PLIN1: variants seen among roughly 807,000 people sequenced by gnomAD.
PLIN1 encodes the protein perilipin 1, also known as perilipin-1.
Under a neutral mutation model 45.8 loss-of-function variants are expected in PLIN1, and 37 were observed. That is an observed-to-expected ratio of 0.81 (90% CI 0.62 to 1.06). The LOEUF (loss-of-function observed/expected upper bound fraction) is 1.06. Ranked by LOEUF, PLIN1 falls within the 50% of genes least tolerant of loss-of-function variation. PLIN1 has a pLI of 0.00. For missense variants in PLIN1, 776 were observed against 716.5 expected (o/e 1.08, Z -0.95); for synonymous variants, 340 against 309.2 (o/e 1.10, Z -1.05).
At chr15:89,678,782 C>T (rs1325306027) in intron 1 of PLIN1, among the ~76,000 whole-genome samples, 1 of 152,096 alleles carries the variant, frequency 6.6e-6, no homozygotes, top group African/African-American at 2.4e-5. Context: ...AAGGTTTCAT[C>T]TTTGAAAAGG....
rs1360661087 is a variant in PLIN1 at position 89,665,550 on chromosome 15, G to A, written c.*33C>T. The A allele has an allele frequency of 6.6e-7, 1 of 1,521,108 alleles. No individual in the cohort carries two copies. Among genetic ancestry groups the A allele is most frequent in the African/African-American group, 1.4e-5 (1 of 71,718 alleles). 94.2% of individuals were successfully genotyped at this position (1,521,108 alleles called of 1,614,324 possible). On this transcript the variant is annotated 3_prime_UTR_variant, in exon 9 of 9. Coordinates refer to ENST00000300055, the MANE Select transcript of PLIN1 (RefSeq NM_002666.5). ...TTCTGTTTATTTGTTAGAGAAACCC[G>A]CCGGCCCGGGGCGCGGCGGCTGGTG...
At chr15:89,667,832 C>T (rs749309191) in intron 6 of PLIN1, 39 bp from the exon 7 acceptor site, 1 of 1,542,014 alleles carries the variant, frequency 6.5e-7, no homozygotes, top group African/African-American at 1.4e-5. Flanking sequence ...CTCAACTGCC[C>T]CTGCTGAAGG....
At chr15:89,677,108 C>T in intron 2 of PLIN1, 1 of 404,646 alleles carries the variant, frequency 2.5e-6, no homozygotes, top group Non-Finnish European at 4.7e-6. Flanking sequence ...GCACTGAATG[C>T]ACATCCAGCT....
chr15:89,673,599 CAA>C (rs1397389803), intron 2 of PLIN1, among the ~76,000 whole-genome samples, 185 bp from the exon 3 acceptor site: 1 of 152,154 alleles, frequency 6.6e-6, no homozygotes, highest in African/African-American at 2.4e-5. Context: ...ATGGGGAAAA[CAA>C]GAGTCAGCCG....
chr15:89,676,585 T>G (rs1319717716), intron 2 of PLIN1: 1 of 152,180 alleles, frequency 6.6e-6, no homozygotes, highest in Admixed American at 6.5e-5. Flanking sequence ...AATTTGAAAT[T>G]TGAACTAGAA....
chr15:89,669,381 C>CGGGGGGGGGGGGGGGGGGGGGGG (rs1964399186), intron 6 of PLIN1, 119 bp downstream of exon 6: 1 of 905,246 alleles, frequency 1.1e-6, no homozygotes. Flanking sequence ...CCCCAGCCCA[C>CGGGGGGGGGGGGGGGGGGGGGGG]GTTGGAAGAG....
chr15:89,677,535 G>C, intron 1 of PLIN1, 32 bp from the exon 2 acceptor site: 1 of 1,597,812 alleles, frequency 6.3e-7, no homozygotes, highest in Non-Finnish European at 8.6e-7. Flanking sequence ...CCCATCAGAA[G>C]CCCTCAGGCT....
At position 89,676,396 on chromosome 15, in the gene PLIN1, C is replaced by T. The variant is rs376574303; in HGVS notation, c.45+1049G>A. On this transcript the variant is annotated intron_variant, in intron 2 of 8. Transcript: ENST00000300055. ...CCAAGTAGCTGGGACTACAGGCGCC[C>T]GCCACCATACCCCGCTGATTTTTTG... Among the ~76,000 whole-genome samples, 39 of 152,190 alleles carry T rather than the reference C, an allele frequency of 2.6e-4. No individual in the cohort carries two copies. In the East Asian group the frequency reaches 3.7e-3, roughly 14 times the overall value.
intron 8 of PLIN1, among the ~76,000 whole-genome samples, chr15:89,666,212 T>C (rs965673122): frequency 1.3e-5 from 2 of 152,170 alleles, no homozygotes; most frequent in African/African-American, 4.8e-5. Flanking sequence ...GAACCCTCAA[T>C]GGGAGGTCAT....
intron 7 of PLIN1, 133 bp from the exon 8 acceptor site, chr15:89,667,314 C>G (rs1964364190): frequency 1.6e-6 from 2 of 1,225,872 alleles, no homozygotes; most frequent in Non-Finnish European, 2.3e-6. Flanking sequence ...CTGCCACTAG[C>G]AGTGTGGCCT....
In PLIN1 at chr15:89,665,465, G is replaced by A. The variant is rs886216372; in HGVS notation, c.*118C>T. On this transcript the variant is annotated 3_prime_UTR_variant, in exon 9 of 9. Transcript: ENST00000300055. ...TGCGCCTTGGCAGCATCATCAGGAT[G>A]AGGCTGAGCTCCCCAGGGGACCACT... 1.0e-5 allele frequency: 8 copies of A among 797,978 alleles called. No homozygotes were observed. Among genetic ancestry groups the A allele is most frequent in the Non-Finnish European group, 1.3e-5 (7 of 554,024 alleles). 49.4% of individuals were successfully genotyped at this position (797,978 alleles called of 1,614,324 possible).
At position 89,664,520 on chromosome 15, in the gene PLIN1, G is replaced by A. The variant is rs1257521715; in HGVS notation, c.*1063C>T. 3.4e-5 allele frequency: 6 copies of A among 178,516 alleles called. No homozygotes were observed. 11.1% of individuals were successfully genotyped at this position (178,516 alleles called of 1,614,324 possible). On this transcript the variant is annotated 3_prime_UTR_variant, in exon 9 of 9. Coordinates refer to ENST00000300055, the MANE Select transcript of PLIN1 (RefSeq NM_002666.5). ...TTATTATGTGGCCATCAAAAAGAGCGAGTGGGATTTATAATGTGATACAAA... is the reference window on the plus strand; with the variant it reads ...TTATTATGTGGCCATCAAAAAGAGCAAGTGGGATTTATAATGTGATACAAA...
At position 89,668,145 on chromosome 15, in the gene PLIN1, A is replaced by G. The variant is rs369545587; in HGVS notation, c.772-352T>C. Among the ~76,000 whole-genome samples the G allele has an allele frequency of 3.0e-4, 45 of 152,248 alleles. 1 individual carries two copies. In the East Asian group the frequency reaches 7.9e-3, roughly 27 times the overall value. ...CTGTCACCATGCCTTAGTTTTGCCT[A>G]TTTTCGAACTTCATGTAAGTGGAGT... On this transcript the variant is annotated intron_variant, in intron 6 of 8. Coordinates refer to ENST00000300055, the MANE Select transcript of PLIN1 (RefSeq NM_002666.5).
intron 2 of PLIN1, among the ~76,000 whole-genome samples, chr15:89,674,380 C>G (rs901874447): frequency 6.6e-6 from 1 of 152,182 alleles, no homozygotes; most frequent in Non-Finnish European, 1.5e-5. Context: ...CTTGTGCCTC[C>G]TGGGTAGCTG....
chr15:89,676,773 CA>C (rs1964525923), intron 2 of PLIN1: 1 of 153,276 alleles, frequency 6.5e-6, no homozygotes, highest in South Asian at 2.1e-4. Context: ...TTCTATGATT[CA>C]ATACAAAACA....
rs1334089216 is a variant in PLIN1, at chr15:89,664,878, A to G, written c.*705T>C. ...TCACCATTTTGGTTCCCCAGCATCAAAAGAGTGACTATGCAGGTGAAGGCA... is the reference window on the plus strand; with the variant it reads ...TCACCATTTTGGTTCCCCAGCATCAGAAGAGTGACTATGCAGGTGAAGGCA... On this transcript the variant is annotated 3_prime_UTR_variant, in exon 9 of 9. Transcript: ENST00000300055. The G allele has an allele frequency of 6.6e-6, 3 of 455,982 alleles. No individual in the cohort carries two copies. The highest frequency in any genetic ancestry group is 1.3e-5 in the Non-Finnish European group (3 of 226,804). The allele number at this position is 455,982 out of a possible 1,614,324, so 28.2% of individuals were successfully genotyped here. A position where few individuals can be genotyped will look rare whatever the true frequency, so the allele number is the denominator to read the frequency against.
intron 7 of PLIN1, 113 bp downstream of exon 7, chr15:89,667,489 C>T (rs1019329907): frequency 4.9e-5 from 74 of 1,515,634 alleles, no homozygotes; most frequent in Admixed American, 1.3e-4. Context: ...GGGTGTTGCA[C>T]GCACATGCCG....
In PLIN1 at chr15:89,664,991, T is replaced by G. The variant is rs1431980505; in HGVS notation, c.*592A>C. On this transcript the variant is annotated 3_prime_UTR_variant, in exon 9 of 9. Transcript: ENST00000300055. ...TGGACTCAGCCTGTGAAGCGGCGGGTACTCAGAAAGTGACACTAGTATTTT... is the reference window on the plus strand; with the variant it reads ...TGGACTCAGCCTGTGAAGCGGCGGGGACTCAGAAAGTGACACTAGTATTTT... 2.2e-6 allele frequency: 1 copy of G among 450,886 alleles called. No individual in the cohort carries two copies. Among genetic ancestry groups the G allele is most frequent in the Non-Finnish European group, 4.5e-6 (1 of 224,674 alleles). 27.9% of individuals were successfully genotyped at this position (450,886 alleles called of 1,614,324 possible).
At chr15:89,672,875 T>C (rs1199310375) in intron 3 of PLIN1, among the ~76,000 whole-genome samples, 2 of 152,222 alleles carry the variant, frequency 1.3e-5, no homozygotes, top group Non-Finnish European at 2.9e-5. Flanking sequence ...CTGCTGCTGC[T>C]GCCTGTGCTG....
Sources: allele counts gnomAD v4.1 joint callset (sites outside exome capture counted in the v4.1 genomes callset), GRCh38; gene constraint gnomAD v4.1.1; transcripts MANE v1.5; gene names NCBI Gene and HGNC (gene_info 2026-07-23, HGNC 2026-07-21).